The following LARGE1 variants were observed in gnomAD, a reference collection of about 807,000 sequenced individuals.
The protein encoded by LARGE1 is xylosyl- and glucuronyltransferase LARGE1.
LARGE1 carries 43 observed loss-of-function variants against 87.6 expected under a neutral mutation model. That is an observed-to-expected ratio of 0.49 (90% CI 0.38 to 0.63). LARGE1 has a LOEUF of 0.63. Ranked by LOEUF, LARGE1 falls within the 30% of genes least tolerant of loss-of-function variation. The pLI is 0.00. For synonymous variants in LARGE1, 434 were observed against 394.6 expected (o/e 1.10, Z -1.18); for missense variants, 802 against 1,000.2 (o/e 0.80, Z 2.67).
the LARGE1 span, among the ~76,000 whole-genome samples, chr22:33,073,945 A>T: frequency 6.6e-6 from 1 of 152,140 alleles, no homozygotes; most frequent in African/African-American, 2.4e-5. Flanking sequence ...GAGGGCATCC[A>T]CATCTCCTAC....
At chr22:33,878,125 A>ATTTTTTTT (rs1601836110) in intron 1 of LARGE1, among the ~76,000 whole-genome samples, 5 of 51,232 alleles carry the variant, frequency 9.8e-5, no homozygotes, top group African/African-American at 2.1e-4. Context: ...TTTATATTGT[A>ATTTTTTTT]TTTCTTTTTT....
At chr22:33,114,206 G>A in the LARGE1 span, among the ~76,000 whole-genome samples, 1 of 152,122 alleles carries the variant, frequency 6.6e-6, no homozygotes, top group Admixed American at 6.6e-5. Flanking sequence ...GTGACAATGG[G>A]CTGTTGCAAG....
At chr22:33,866,369 A>C (rs1317771787) in intron 1 of LARGE1, among the ~76,000 whole-genome samples, 6 of 152,200 alleles carry the variant, frequency 3.9e-5, no homozygotes, top group Admixed American at 3.9e-4. Flanking sequence ...AAAATTAAAA[A>C]TTCAGTTCCT....
intron 6 of LARGE1, among the ~76,000 whole-genome samples, chr22:33,432,734 G>C (rs959783032): frequency 6.6e-6 from 1 of 152,170 alleles, no homozygotes; most frequent in Non-Finnish European, 1.5e-5. Flanking sequence ...GACTGGGATT[G>C]GTTTCTCACG....
At chr22:33,537,097 C>T (rs2077064706) in intron 6 of LARGE1, among the ~76,000 whole-genome samples, 1 of 152,248 alleles carries the variant, frequency 6.6e-6, no homozygotes. Flanking sequence ...AGGCGTGAGC[C>T]ACCGCGCCCA....
chr22:33,275,297 A>C (rs1047432377), intron 14 of LARGE1, among the ~76,000 whole-genome samples: 1 of 152,212 alleles, frequency 6.6e-6, no homozygotes, highest in Non-Finnish European at 1.5e-5. Flanking sequence ...CAGGTGACCC[A>C]GATTTAGGTC....
chr22:33,327,365 C>G (rs1937331279), intron 10 of LARGE1, among the ~76,000 whole-genome samples: 1 of 152,138 alleles, frequency 6.6e-6, no homozygotes, highest in Non-Finnish European at 1.5e-5. Context: ...GATCTCCCAG[C>G]AGTTGAGAGA....
At chr22:33,680,304 C>A (rs1197792519) in intron 2 of LARGE1, among the ~76,000 whole-genome samples, 1 of 152,170 alleles carries the variant, frequency 6.6e-6, no homozygotes, top group Non-Finnish European at 1.5e-5. Context: ...TACGCCTGAA[C>A]TTTTCTAACT....
At chr22:33,587,163 G>A (rs1422819274) in intron 5 of LARGE1, among the ~76,000 whole-genome samples, 1 of 152,074 alleles carries the variant, frequency 6.6e-6, no homozygotes, top group East Asian at 1.9e-4. Flanking sequence ...TTATTTCAAC[G>A]ATGTACCATA....
intron 9 of LARGE1, among the ~76,000 whole-genome samples, chr22:33,363,185 T>C (rs1569095240): frequency 6.7e-6 from 1 of 149,840 alleles, no homozygotes; most frequent in Non-Finnish European, 1.5e-5. Context: ...TACAGTAGTA[T>C]CTGCACACAT....
At chr22:33,605,594 T>C (rs1023868912) in intron 4 of LARGE1, among the ~76,000 whole-genome samples, 1 of 152,194 alleles carries the variant, frequency 6.6e-6, no homozygotes, top group Non-Finnish European at 1.5e-5. Flanking sequence ...TAATAATCAA[T>C]AGCAGATGCG....
At chr22:33,808,632 G>A (rs532367936) in intron 1 of LARGE1, among the ~76,000 whole-genome samples, 3 of 152,342 alleles carry the variant, frequency 2.0e-5, no homozygotes, top group African/African-American at 7.2e-5. Context: ...CCCCTGCCCT[G>A]ACAATGCTCA....
intron 6 of LARGE1, among the ~76,000 whole-genome samples, chr22:33,553,763 C>T (rs1330308460): frequency 2.0e-5 from 3 of 152,268 alleles, no homozygotes; most frequent in Non-Finnish European, 2.9e-5. Flanking sequence ...CAAGGAAGGG[C>T]CCTTGACTGA....
intron 6 of LARGE1, among the ~76,000 whole-genome samples, chr22:33,489,382 T>C (rs1207043259): frequency 2.0e-5 from 3 of 152,204 alleles, no homozygotes; most frequent in African/African-American, 7.2e-5. Context: ...CGCAGGGCAG[T>C]GTTCTGAGCA....
At chr22:33,409,519 C>CT (rs1205820981) in intron 7 of LARGE1, among the ~76,000 whole-genome samples, 1 of 152,172 alleles carries the variant, frequency 6.6e-6, no homozygotes, top group Non-Finnish European at 1.5e-5. Flanking sequence ...AGTCAGCAGT[C>CT]TGAGGCTAGG....
At chr22:33,834,607 C>G (rs1460116141) in intron 1 of LARGE1, among the ~76,000 whole-genome samples, 2 of 152,218 alleles carry the variant, frequency 1.3e-5, no homozygotes, top group Admixed American at 6.5e-5. Flanking sequence ...CTCAGCCCGC[C>G]TGCACCCAGG....
intron 11 of LARGE1, among the ~76,000 whole-genome samples, chr22:33,245,472 T>C (rs1316968267): frequency 6.6e-6 from 1 of 152,272 alleles, no homozygotes; most frequent in African/African-American, 2.4e-5. Flanking sequence ...GCTTTTGCTT[T>C]GACTGGACCA....
chr22:33,327,065 C>T (rs893862100), intron 10 of LARGE1, among the ~76,000 whole-genome samples: 3 of 152,172 alleles, frequency 2.0e-5, no homozygotes, highest in Non-Finnish European at 4.4e-5. Flanking sequence ...ACATGCGGCT[C>T]GCACGTGAGA....
At chr22:33,684,975 TG>T (rs763797263) in intron 2 of LARGE1, among the ~76,000 whole-genome samples, 2 of 152,122 alleles carry the variant, frequency 1.3e-5, no homozygotes, top group Non-Finnish European at 2.9e-5. Context: ...TTCAGGTGTA[TG>T]GGGGGTGGAG....
Sources: allele counts gnomAD v4.1 joint callset (sites outside exome capture counted in the v4.1 genomes callset), GRCh38; gene constraint gnomAD v4.1.1; transcripts MANE v1.5; gene names NCBI Gene and HGNC (gene_info 2026-07-23, HGNC 2026-07-21).